The following LRMDA variants were observed in gnomAD, a reference collection of about 807,000 sequenced individuals.
The protein encoded by LRMDA is leucine-rich melanocyte differentiation-associated protein.
A neutral mutation model predicts 29.8 loss-of-function variants in LRMDA; 18 were observed. That is an observed-to-expected ratio of 0.60 (90% CI 0.42 to 0.90). LRMDA has a LOEUF of 0.90. Among genes scored for constraint, LRMDA ranks in the 40% least tolerant of loss-of-function variants. LRMDA has a pLI of 0.00. For missense variants in LRMDA, 273 were observed against 273.9 expected, an observed-to-expected ratio of 1.00 and a Z score of 0.02; for synonymous variants, 125 against 109.4, an observed-to-expected ratio of 1.14 and a Z score of -0.89.
intron 2 of LRMDA, among the ~76,000 whole-genome samples, chr10:75,835,544 C>T (rs1017853415): frequency 2.6e-5 from 4 of 152,152 alleles, no homozygotes; most frequent in South Asian, 2.1e-4. Flanking sequence ...CCTACCATAT[C>T]GCTATTATTT....
chr10:75,725,437 A>G (rs1210489352), intron 2 of LRMDA, among the ~76,000 whole-genome samples: 1 of 152,190 alleles, frequency 6.6e-6, no homozygotes, highest in African/African-American at 2.4e-5. Context: ...TTGGGAGCAA[A>G]TGGGCCTGGA....
intron 5 of LRMDA, among the ~76,000 whole-genome samples, chr10:76,214,291 A>G (rs925754114): frequency 8.9e-4 from 134 of 150,978 alleles, no homozygotes; most frequent in African/African-American, 3.1e-3. Context: ...TCTAACTCCA[A>G]CATTTTGTGC....
At chr10:75,897,916 A>G (rs1289421505) in intron 2 of LRMDA, among the ~76,000 whole-genome samples, 1 of 128,220 alleles carries the variant, frequency 7.8e-6, no homozygotes, top group African/African-American at 3.0e-5. Context: ...TCCACCTCCC[A>G]GGTTCAAGCA....
At chr10:76,045,739 G>A (rs1419479934) in intron 3 of LRMDA, among the ~76,000 whole-genome samples, 1 of 152,170 alleles carries the variant, frequency 6.6e-6, no homozygotes, top group Non-Finnish European at 1.5e-5. Context: ...TTGGGTCACT[G>A]AGTAGAGGTT....
intron 5 of LRMDA, among the ~76,000 whole-genome samples, chr10:76,130,085 T>C (rs1849958928): frequency 6.6e-6 from 1 of 150,894 alleles, no homozygotes; most frequent in East Asian, 2.0e-4. Flanking sequence ...TAATATAATA[T>C]CTGAACACCA....
intron 2 of LRMDA, among the ~76,000 whole-genome samples, chr10:75,465,013 G>C (rs1187555320): frequency 1.3e-5 from 2 of 152,082 alleles, no homozygotes; most frequent in Non-Finnish European, 2.9e-5. Context: ...CCTTCCCTGG[G>C]GCCTCTTCCT....
At chr10:75,783,995 G>A (rs1236309252) in intron 2 of LRMDA, among the ~76,000 whole-genome samples, 2 of 152,124 alleles carry the variant, frequency 1.3e-5, no homozygotes, top group East Asian at 1.9e-4. Context: ...CCTAATTGCC[G>A]AATACTGAAA....
At chr10:76,474,226 A>T (rs1327171291) in intron 6 of LRMDA, among the ~76,000 whole-genome samples, 2 of 151,840 alleles carry the variant, frequency 1.3e-5, no homozygotes, top group African/African-American at 2.4e-5. Context: ...TTAACTTAAT[A>T]TATTAGTAAA....
intron 6 of LRMDA, among the ~76,000 whole-genome samples, chr10:76,546,329 G>C (rs1843420709): frequency 6.6e-6 from 1 of 152,102 alleles, no homozygotes; most frequent in Non-Finnish European, 1.5e-5. Flanking sequence ...TCTCCTAACT[G>C]TACTATCCTC....
chr10:76,553,655 C>T (rs1207589897), intron 6 of LRMDA, among the ~76,000 whole-genome samples: 2 of 152,108 alleles, frequency 1.3e-5, no homozygotes, highest in African/African-American at 4.8e-5. Flanking sequence ...TGCATGTTTG[C>T]TTTTCCTGGT....
intron 5 of LRMDA, among the ~76,000 whole-genome samples, chr10:76,257,169 C>A (rs1174481556): frequency 6.6e-6 from 1 of 151,736 alleles, no homozygotes; most frequent in Non-Finnish European, 1.5e-5. Context: ...ATTTAATTTT[C>A]TTTTTAATTG....
intron 5 of LRMDA, among the ~76,000 whole-genome samples, chr10:76,072,395 A>T (rs1245795350): frequency 6.6e-6 from 1 of 152,238 alleles, no homozygotes; most frequent in African/African-American, 2.4e-5. Flanking sequence ...TGCAGTGCTG[A>T]TAGATAAGAA....
rs932575827 is a variant in LRMDA at position 75,470,744 on chromosome 10, G to A, written c.131+32250G>A. Reference sequence around the variant, plus strand: ...GTCTGAGCAGCCCCACTCATTGTCCGTTGGAACAGTCACGTCCCAGGGTAC... The same window carrying A: ...GTCTGAGCAGCCCCACTCATTGTCCATTGGAACAGTCACGTCCCAGGGTAC... On this transcript the variant is annotated intron_variant, in intron 2 of 6. Transcript: ENST00000611255. Among the ~76,000 whole-genome samples, 9 of 152,130 alleles carry A rather than the reference G, an allele frequency of 5.9e-5. No individual in the cohort carries two copies. The East Asian group carries it at 7.7e-4, about 13-fold the overall frequency.
chr10:76,285,103 C>T (rs1361513692), intron 5 of LRMDA, among the ~76,000 whole-genome samples: 10 of 152,166 alleles, frequency 6.6e-5, no homozygotes, highest in African/African-American at 2.2e-4. Context: ...GTTTCATTCA[C>T]TCATGAATCT....
At chr10:75,571,950 GTTA>G (rs904954361) in intron 2 of LRMDA, among the ~76,000 whole-genome samples, 19 of 151,882 alleles carry the variant, frequency 1.3e-4, no homozygotes, top group Non-Finnish European at 2.5e-4. Flanking sequence ...CATTCCCACT[GTTA>G]TTATTATTAT....
Position 76,550,739 on chromosome 10 carries a change from A to G in LRMDA, c.602-6470A>G, listed in dbSNP as rs181883016. The stretch of plus-strand genomic sequence containing the variant: ...AGGCATCTCAGATGTGCGGCAGATG[A>G]AGGGAAAATATACTGGGTGGAGAAG... On this transcript the variant is annotated intron_variant, in intron 6 of 6. Coordinates refer to ENST00000611255, the MANE Select transcript of LRMDA (RefSeq NM_001305581.2). Among the ~76,000 whole-genome samples, 608 of 152,184 alleles carry G rather than the reference A, an allele frequency of 4.0e-3. 3 individuals carry two copies. Among genetic ancestry groups the G allele is most frequent in the Non-Finnish European group, 6.5e-3 (443 of 68,004 alleles).
In LRMDA at chr10:75,838,464, A is replaced by G. The variant is rs183147004; in HGVS notation, c.132-197544A>G. On this transcript the variant is annotated intron_variant, in intron 2 of 6. Transcript: ENST00000611255. ...AAATTCTGAAAGATTATTTCTTAAC[A>G]TATTTTCATATTTTTGCCAGCTTCG... Among the ~76,000 whole-genome samples, 446 of 152,322 alleles carry G rather than the reference A, an allele frequency of 2.9e-3. 2 individuals carry two copies. Among genetic ancestry groups the G allele is most frequent in the Non-Finnish European group, 4.2e-3 (287 of 68,018 alleles).
chr10:76,004,882 C>T (rs4745803), intron 2 of LRMDA, among the ~76,000 whole-genome samples: 11,659 of 152,074 alleles, frequency 0.077, 522 homozygotes, highest in South Asian at 0.19. Context: ...CGCCTGCCAC[C>T]ACACCTGGTT....
At chr10:76,360,017 G>A (rs138069838) in intron 6 of LRMDA, among the ~76,000 whole-genome samples, 6 of 151,728 alleles carry the variant, frequency 4.0e-5, no homozygotes, top group South Asian at 2.1e-4. Context: ...TTTTTGAGAC[G>A]CAGTTTCGCT....
Sources: allele counts gnomAD v4.1 joint callset (sites outside exome capture counted in the v4.1 genomes callset), GRCh38; gene constraint gnomAD v4.1.1; transcripts MANE v1.5; gene names NCBI Gene and HGNC (gene_info 2026-07-23, HGNC 2026-07-21).